TCEANC2: variants seen among roughly 807,000 people sequenced by gnomAD.
TCEANC2 encodes the protein transcription elongation factor A N-terminal and central domain-containing protein 2.
Under a neutral mutation model 22.8 loss-of-function variants are expected in TCEANC2, and 20 were observed. The ratio of observed to expected loss-of-function variants is 0.88; its 90% CI spans 0.62 to 1.28. TCEANC2 has a LOEUF of 1.28. TCEANC2 is among the 50% of genes most tolerant of loss of function. The pLI, the probability that TCEANC2 is intolerant of heterozygous loss-of-function variation, is 0.00. For missense variants in TCEANC2, 251 were observed against 249.7 expected (o/e 1.01, Z -0.03); for synonymous variants, 84 against 95.5 (o/e 0.88, Z 0.70).
At position 54,082,978 on chromosome 1, in the gene TCEANC2, C is replaced by T. The variant is rs183042637; in HGVS notation, c.245-5619C>T. Among the ~76,000 whole-genome samples the T allele has an allele frequency of 1.2e-3, 186 of 151,916 alleles. No homozygotes were observed. In the Middle Eastern group the frequency reaches 0.014, roughly 11 times the overall value. ...TAGACCTGTGGAGAAGTGATGAGAA[C>T]CTGAATCAGGGTAGTAAGAGTGGAG... On this transcript the variant is annotated intron_variant, in intron 3 of 4. Coordinates refer to ENST00000234827, the MANE Select transcript of TCEANC2 (RefSeq NM_153035.3).
chr1:54,088,299 T>C (rs1041086014), intron 3 of TCEANC2, among the ~76,000 whole-genome samples: 5 of 152,230 alleles, frequency 3.3e-5, no homozygotes, highest in Admixed American at 3.3e-4. Context: ...GATAAATGCT[T>C]AATTCATTTT....
chr1:54,079,510 A>G (rs1461286519), intron 3 of TCEANC2, among the ~76,000 whole-genome samples: 2 of 152,178 alleles, frequency 1.3e-5, no homozygotes, highest in Non-Finnish European at 2.9e-5. Context: ...TGTTTCCTAG[A>G]CTAGTTGCCT....
At chr1:54,055,242 A>G (rs538454016) in intron 2 of TCEANC2, among the ~76,000 whole-genome samples, 2 of 152,302 alleles carry the variant, frequency 1.3e-5, no homozygotes, top group South Asian at 2.1e-4. Flanking sequence ...CTGAGATTAC[A>G]GGCATGAGCC....
intron 4 of TCEANC2, chr1:54,089,835 A>T: frequency 2.2e-6 from 1 of 455,156 alleles, no homozygotes; most frequent in East Asian, 3.9e-5. Context: ...GCATTGCCAC[A>T]GTTCTGTCTT....
intron 3 of TCEANC2, among the ~76,000 whole-genome samples, chr1:54,078,250 T>TA: frequency 6.6e-6 from 1 of 152,312 alleles, no homozygotes; most frequent in South Asian, 2.1e-4. Flanking sequence ...GTCAGTGTCA[T>TA]AACCCTTTTA....
At position 54,068,896 on chromosome 1, in the gene TCEANC2, A is replaced by G. The variant is rs1411447380; in HGVS notation, c.243A>G (p.Ile81Met). The change falls in exon 3 of 5, where the codon ATA (isoleucine) becomes ATG (methionine). Residue 81 changes from isoleucine to methionine, a missense_variant and splice_region_variant. Transcript: ENST00000234827. The stretch of plus-strand genomic sequence containing the variant: ...GGGAAGTGTTAAAATCAACAAGGAT[A>G]GGTATATTCCTTCTTAATTTTATTT... Reference protein sequence around the residue: ...PSREVLKSTRIGHTVNKMRKH... With the variant: ...PSREVLKSTRMGHTVNKMRKH... The G allele has an allele frequency of 1.3e-6, 2 of 1,571,206 alleles. No homozygotes were observed. Among genetic ancestry groups the G allele is most frequent in the Non-Finnish European group, 8.6e-7 (1 of 1,166,358 alleles).
At chr1:54,062,774 A>G (rs1336707059) in intron 2 of TCEANC2, among the ~76,000 whole-genome samples, 1 of 152,242 alleles carries the variant, frequency 6.6e-6, no homozygotes, top group African/African-American at 2.4e-5. Flanking sequence ...CATCCCAGGC[A>G]AAGGTATGAA....
At chr1:54,090,164 A>G in intron 4 of TCEANC2, 1 of 362,846 alleles carries the variant, frequency 2.8e-6, no homozygotes, top group Non-Finnish European at 5.3e-6. Flanking sequence ...AAGTTAAAGC[A>G]CTGTGTACCC....
At chr1:54,054,666 T>A in intron 2 of TCEANC2, 142 bp downstream of exon 2, 2 of 815,400 alleles carry the variant, frequency 2.5e-6, no homozygotes, top group Non-Finnish European at 1.9e-6. Context: ...CTCCTTTGTT[T>A]CGCCCATAGC....
At chr1:54,073,780 A>G (rs1442884987) in intron 3 of TCEANC2, among the ~76,000 whole-genome samples, 2 of 152,242 alleles carry the variant, frequency 1.3e-5, no homozygotes, top group Non-Finnish European at 2.9e-5. Flanking sequence ...GGAAGCTACT[A>G]AAACATCTGC....
At position 54,068,793 on chromosome 1, in the gene TCEANC2, C is replaced by G. The variant is rs150639315; in HGVS notation, c.140C>G (p.Thr47Ser). ...GTAGAAGACATAAAAAGATGGAAAA[C>G]TATGCTGGAGCTTCCTGATCAAACC... ...VVVEDIKRWK[T>S]MLELPDQTKE... Residue 47 changes from threonine to serine, a missense_variant, in exon 3 of 5, where the codon ACT becomes AGT. By Grantham distance (58) the Thr-to-Ser change is moderately conservative. Coordinates refer to ENST00000234827, the MANE Select transcript of TCEANC2 (RefSeq NM_153035.3). 3.7e-6 allele frequency: 6 copies of G among 1,609,232 alleles called. No homozygotes were observed. Among genetic ancestry groups the G allele is most frequent in the Middle Eastern group, 1.7e-4 (1 of 6,026 alleles).
chr1:54,067,356 G>A (rs534543649), intron 2 of TCEANC2, among the ~76,000 whole-genome samples: 5 of 152,272 alleles, frequency 3.3e-5, no homozygotes, highest in Non-Finnish European at 5.9e-5. Context: ...CTGGGGAAGC[G>A]GGAGGACTTG....
intron 3 of TCEANC2, among the ~76,000 whole-genome samples, chr1:54,088,202 T>C (rs756340252): frequency 1.3e-5 from 2 of 152,234 alleles, no homozygotes; most frequent in African/African-American, 4.8e-5. Context: ...TCTTTTCACA[T>C]TTATTAGCTA....
intron 3 of TCEANC2, among the ~76,000 whole-genome samples, chr1:54,075,097 A>AATCT (rs1386691157): frequency 6.6e-6 from 1 of 152,222 alleles, no homozygotes; most frequent in African/African-American, 2.4e-5. Flanking sequence ...TGTTTTATAG[A>AATCT]ATCTATATTC....
chr1:54,087,326 A>G (rs1222787693), intron 3 of TCEANC2, among the ~76,000 whole-genome samples: 3 of 152,148 alleles, frequency 2.0e-5, no homozygotes, highest in African/African-American at 7.2e-5. Context: ...TCAAACATAC[A>G]CAAAAATAAA....
downstream of TCEANC2, among the ~76,000 whole-genome samples, chr1:54,107,880 T>C (rs1358198733): frequency 6.6e-6 from 1 of 152,206 alleles, no homozygotes; most frequent in Non-Finnish European, 1.5e-5. Context: ...TCTCCAGACC[T>C]CAATTTCCCC....
chr1:54,095,403 G>A lies in TCEANC2; in HGVS notation c.439-882G>A, dbSNP rs116182519. 6.0e-3 allele frequency among the ~76,000 whole-genome samples: 914 copies of A among 152,312 alleles called. 4 individuals carry two copies. Among genetic ancestry groups the A allele is most frequent in the Non-Finnish European group, 0.01 (686 of 68,040 alleles). ...AGTGGAGTGCTCAGGGCCAGGTGTG[G>A]TCAGGATTGGGGAGGGGAATAGCTG... is the stretch of plus-strand genomic sequence containing the variant. On this transcript the variant is annotated intron_variant, in intron 4 of 4. Transcript: ENST00000234827.
At position 54,104,889 on chromosome 1, in the gene TCEANC2, C is replaced by T. The variant is rs1658723923; in HGVS notation, c.*8416C>T. 6.7e-6 allele frequency: 2 copies of T among 296,590 alleles called. No individual in the cohort carries two copies. The highest frequency in any genetic ancestry group is 6.9e-6 in the Non-Finnish European group (1 of 145,734). 18.4% of individuals were successfully genotyped at this position (296,590 alleles called of 1,614,324 possible). A position where few individuals can be genotyped will look rare whatever the true frequency, so the allele number is the denominator to read the frequency against. On this transcript the variant is annotated 3_prime_UTR_variant, in exon 5 of 5. Transcript: ENST00000234827. Reference sequence around the variant, plus strand: ...AATTATACAAGTGCCCAGACCGTGACCTGAGCAGGATATGCTGACTTCAGG... The same window carrying T: ...AATTATACAAGTGCCCAGACCGTGATCTGAGCAGGATATGCTGACTTCAGG...
chr1:54,066,762 T>C (rs17109707), intron 2 of TCEANC2, among the ~76,000 whole-genome samples: 14,184 of 152,254 alleles, frequency 0.093, 1,543 homozygotes, highest in African/African-American at 0.27. Flanking sequence ...AAAATTTCCC[T>C]TTGGCTTTAT....
Sources: allele counts gnomAD v4.1 joint callset (sites outside exome capture counted in the v4.1 genomes callset), GRCh38; gene constraint gnomAD v4.1.1; transcripts MANE v1.5; gene names NCBI Gene and HGNC (gene_info 2026-07-23, HGNC 2026-07-21).